The following CRNN variants were observed in gnomAD, a reference collection of about 807,000 sequenced individuals.
CRNN encodes the protein 53 kDa putative calcium-binding protein.
Under a neutral mutation model 44.7 loss-of-function variants are expected in CRNN, and 39 were observed. That is an observed-to-expected ratio of 0.87 (90% confidence interval 0.68 to 1.14). The LOEUF (loss-of-function observed/expected upper bound fraction) is 1.14. Ranked by LOEUF, CRNN falls within the 50% of genes most tolerant of loss-of-function variation. CRNN has a pLI of 0.00. For missense variants in CRNN, 606 were observed against 605.1 expected (o/e 1.00, Z -0.02); for synonymous variants, 240 against 231.8 (o/e 1.04, Z -0.32).
chr1:152,413,166 A>G (rs899843145), intron 1 of CRNN, among the ~76,000 whole-genome samples: 2 of 152,250 alleles, frequency 1.3e-5, no homozygotes, highest in Admixed American at 1.3e-4. Context: ...CAGCTTGCCC[A>G]ACAGGCACGT....
chr1:152,412,240 A>G lies in CRNN; in HGVS notation c.-7T>C, dbSNP rs780249130. The G allele has an allele frequency of 3.7e-6, 6 of 1,604,504 alleles. No individual in the cohort carries two copies. Among genetic ancestry groups the G allele is most frequent in the Non-Finnish European group, 5.1e-6 (6 of 1,172,344 alleles). On this transcript the variant is annotated 5_prime_UTR_variant, in exon 2 of 3. Coordinates refer to ENST00000271835, the MANE Select transcript of CRNN (RefSeq NM_016190.3). ...TTTGCAGTAACTGAGGCATCTTTGAAGTCAACCTGGAAAAGATGAAAAGTT... is the reference window on the plus strand; with the variant it reads ...TTTGCAGTAACTGAGGCATCTTTGAGGTCAACCTGGAAAAGATGAAAAGTT...
chr1:152,409,460 G>A lies in CRNN; in HGVS notation c.*134C>T, dbSNP rs982605068. The A allele has an allele frequency of 9.7e-6, 14 of 1,448,220 alleles. No individual in the cohort carries two copies. In the Admixed American group the frequency reaches 1.3e-4, roughly 14 times the overall value. 89.7% of individuals were successfully genotyped at this position (1,448,220 alleles called of 1,614,324 possible). The stretch of plus-strand genomic sequence containing the variant: ...AGCTCCTTGCAGAAATTATCTCATT[G>A]AGAAAGACCTAAAAGGGAAGCTGCA... On this transcript the variant is annotated 3_prime_UTR_variant, in exon 3 of 3. Coordinates refer to ENST00000271835, the MANE Select transcript of CRNN (RefSeq NM_016190.3).
At chr1:152,413,623 G>A (rs1378663654) in intron 1 of CRNN, among the ~76,000 whole-genome samples, 1 of 152,080 alleles carries the variant, frequency 6.6e-6, no homozygotes, top group African/African-American at 2.4e-5. Context: ...TTTCATCAAG[G>A]TAAAAAACTG....
Position 152,410,622 on chromosome 1 carries a change from T to C in CRNN, c.460A>G (p.Thr154Ala). The change falls in exon 3 of 3, where the codon ACC (threonine) becomes GCC (alanine). Residue 154 changes from threonine (T) to alanine (A), a missense_variant. By Grantham distance (58) the Thr-to-Ala change is moderately conservative (BLOSUM62 0). Coordinates refer to ENST00000271835, the MANE Select transcript of CRNN (RefSeq NM_016190.3). ...SRGQNRPGVQ[T>A]QGQATGSAWV... ...GCAGAGCCAGTGGCCTGACCCTGGG[T>C]CTGAACCCCAGGCCTGTTCTGCCCT... is the stretch of plus-strand genomic sequence containing the variant. The C allele has an allele frequency of 6.2e-7, 1 of 1,614,084 alleles. No homozygotes were observed. Among genetic ancestry groups the C allele is most frequent in the Non-Finnish European group, 8.5e-7 (1 of 1,179,990 alleles).
Position 152,409,496 on chromosome 1 carries a change from C to T in CRNN, c.*98G>A. 1 of 1,514,132 alleles carries T rather than the reference C, an allele frequency of 6.6e-7. No homozygotes were observed. Among genetic ancestry groups the T allele is most frequent in the Admixed American group, 2.3e-5 (1 of 44,278 alleles). 93.8% of individuals were successfully genotyped at this position (1,514,132 alleles called of 1,614,324 possible). On this transcript the variant is annotated 3_prime_UTR_variant, in exon 3 of 3. Coordinates refer to ENST00000271835, the MANE Select transcript of CRNN (RefSeq NM_016190.3). ...AAAAGGGAAGCTGCATAATGAAGAG[C>T]TGATGTCCAGGGATGCACCCACTGG...
rs1249413235 is a variant in CRNN, at chr1:152,409,803, TCA to T, written c.1277_1278del (p.Val426AspfsTer14). 3 of 1,614,088 alleles carry T rather than the reference TCA, an allele frequency of 1.9e-6. No homozygotes were observed. The African/African-American group carries it at 4.0e-5, about 22-fold the overall frequency. On this transcript the variant is annotated frameshift_variant, in exon 3 of 3. Transcript: ENST00000271835. LOFTEE classifies it high-confidence loss of function. Reference sequence around the variant, plus strand: ...GGCTGTCTGTCTCCCTGCCCTTCTGTCACACAGCGCCTTGGGTGAGTGCTGCT... The same window carrying T: ...GGCTGTCTGTCTCCCTGCCCTTCTGTCACAGCGCCTTGGGTGAGTGCTGCT... ...EWSSTHPRRC[V>X]TEGQGDRQPT...
In CRNN at chr1:152,409,518, C is replaced by A; in HGVS notation, c.*76G>T. ...GAGCTGATGTCCAGGGATGCACCCA[C>A]TGGATTGGCCATGCAGGACAAGCCA... On this transcript the variant is annotated 3_prime_UTR_variant, in exon 3 of 3. Coordinates refer to ENST00000271835, the MANE Select transcript of CRNN (RefSeq NM_016190.3). The A allele has an allele frequency of 6.5e-7, 1 of 1,533,856 alleles. No individual in the cohort carries two copies. The highest frequency in any genetic ancestry group is 2.3e-5 in the East Asian group (1 of 44,266).
intron 1 of CRNN, among the ~76,000 whole-genome samples, chr1:152,414,003 G>T (rs1273699293): frequency 1.3e-5 from 2 of 152,248 alleles, no homozygotes; most frequent in African/African-American, 4.8e-5. Context: ...CAGTTTCCCA[G>T]TGAGAGGAGC....
Position 152,409,661 on chromosome 1 carries a change from T to G in CRNN, c.1421A>C (p.Gln474Pro). 1.2e-6 allele frequency: 2 copies of G among 1,614,212 alleles called. No individual in the cohort carries two copies. Among genetic ancestry groups the G allele is most frequent in the Non-Finnish European group, 1.7e-6 (2 of 1,180,022 alleles). ...VSSAQGQDAA[Q>P]SEEKRGITAR... is the part of the protein sequence containing the mutation. ...TGTGATGCCTCGCTTCTCTTCTGAC[T>G]GGGCTGCATCCTGGCCCTGTGCTGA... Residue 474 changes from glutamine to proline, a missense_variant, in exon 3 of 3, where the codon CAG (glutamine) becomes CCG (proline). Transcript: ENST00000271835.
intron 1 of CRNN, 25 bp downstream of exon 1, chr1:152,414,189 A>G (rs1263610060): frequency 1.3e-5 from 2 of 152,652 alleles, no homozygotes; most frequent in Middle Eastern, 3.4e-3. Context: ...AGAATGAGAA[A>G]GAGGTTTCTT....
Position 152,414,210 on chromosome 1 carries a change from T to C in CRNN, c.-14+4A>G, listed in dbSNP as rs559764246. The C allele has an allele frequency of 2.6e-5, 4 of 152,752 alleles. No individual in the cohort carries two copies. Among genetic ancestry groups the C allele is most frequent in the Admixed American group, 2.6e-4 (4 of 15,300 alleles). 9.5% of individuals were successfully genotyped at this position (152,752 alleles called of 1,614,324 possible). A position where few individuals can be genotyped will look rare whatever the true frequency, so the allele number is the denominator to read the frequency against. On this transcript the variant is annotated splice_donor_region_variant and intron_variant, in intron 1 of 2. Transcript: ENST00000271835. Reference sequence around the variant, plus strand: ...AGAAAGAGGTTTCTTATGAGGGGACTTACCTAATGCCCAGGTGGGATGAAA... The same window carrying C: ...AGAAAGAGGTTTCTTATGAGGGGACCTACCTAATGCCCAGGTGGGATGAAA...
rs1437140905 is a variant in CRNN, at chr1:152,410,905, A to C, written c.177T>G (p.Arg59=). The part of the protein sequence containing the change: ...HDPATVDEVL[R]LLDEDHTGTV... ...TCCCTGTGTGGTCTTCATCCAGCAG[A>C]CGCAGGACCTCATCCACAGTTGCTG... Residue 59 remains arginine, a synonymous_variant, in exon 3 of 3, where the codon CGT becomes CGG. Coordinates refer to ENST00000271835, the MANE Select transcript of CRNN (RefSeq NM_016190.3). 3.7e-6 allele frequency: 6 copies of C among 1,613,268 alleles called. No individual in the cohort carries two copies. In the Admixed American group the frequency reaches 5.0e-5, roughly 13 times the overall value.
At chr1:152,412,270 TG>T (rs1655791624) in intron 1 of CRNN, 24 bp from the exon 2 acceptor site, 1 of 1,590,058 alleles carries the variant, frequency 6.3e-7, no homozygotes, top group African/African-American at 1.3e-5. Flanking sequence ...AAAGTTCCCT[TG>T]GAGGCTCCAT....
chr1:152,410,108 T>C lies in CRNN; in HGVS notation c.974A>G (p.Asn325Ser). The C allele has an allele frequency of 6.2e-7, 1 of 1,613,822 alleles. No homozygotes were observed. Residue 325 changes from asparagine to serine, a missense_variant, in exon 3 of 3, where the codon AAC becomes AGC. Asn to Ser is a conservative substitution (Grantham distance 46). Coordinates refer to ENST00000271835, the MANE Select transcript of CRNN (RefSeq NM_016190.3). ...TQTQESTNGQ[N>S]RGTEIHGQGR... ...TTGACCGTGGATCTCAGTCCCTCTG[T>C]TCTGGCCATTGGTGGACTCCTGTGT...
At position 152,410,425 on chromosome 1, in the gene CRNN, T is replaced by C; in HGVS notation, c.657A>G (p.Arg219=). 1 of 1,614,158 alleles carries C rather than the reference T, an allele frequency of 6.2e-7. No individual in the cohort carries two copies. Among genetic ancestry groups the C allele is most frequent in the Non-Finnish European group, 8.5e-7 (1 of 1,180,026 alleles). The change falls in exon 3 of 3, where the codon AGA becomes AGG. Residue 219 remains arginine, a synonymous_variant. Coordinates refer to ENST00000271835, the MANE Select transcript of CRNN (RefSeq NM_016190.3). ...TCACAGTCTCACCTGTCTGGTGGGC[T>C]CTGTCCTGTTCCCTGGTCTGTGGCT... ...ERQPQTREQD[R]AHQTGETVTG...
Position 152,409,382 on chromosome 1 carries a change from C to T in CRNN, c.*212G>A. On this transcript the variant is annotated 3_prime_UTR_variant, in exon 3 of 3. Transcript: ENST00000271835. ...GTGACTTGCTCTGAGTCTTCCTGCT[C>T]CTGAGAGGGTCTGCACCGCAAAGCA... The T allele has an allele frequency of 1.2e-6, 1 of 824,438 alleles. No homozygotes were observed. Among genetic ancestry groups the T allele is most frequent in the East Asian group, 2.8e-5 (1 of 36,042 alleles). The allele number at this position is 824,438 out of a possible 1,614,324, so 51.1% of individuals were successfully genotyped here.
rs1655680588 is a variant in CRNN, at chr1:152,409,511, G to A, written c.*83C>T. Reference sequence around the variant, plus strand: ...TAATGAAGAGCTGATGTCCAGGGATGCACCCACTGGATTGGCCATGCAGGA... The same window carrying A: ...TAATGAAGAGCTGATGTCCAGGGATACACCCACTGGATTGGCCATGCAGGA... On this transcript the variant is annotated 3_prime_UTR_variant, in exon 3 of 3. Transcript: ENST00000271835. 5.9e-6 allele frequency: 9 copies of A among 1,529,446 alleles called. No homozygotes were observed. Among genetic ancestry groups the A allele is most frequent in the African/African-American group, 1.4e-5 (1 of 72,368 alleles). 94.7% of individuals were successfully genotyped at this position (1,529,446 alleles called of 1,614,324 possible).
Position 152,409,708 on chromosome 1 carries a change from G to T in CRNN, c.1374C>A (p.Gly458=). 6.2e-7 allele frequency: 1 copy of T among 1,614,164 alleles called. No individual in the cohort carries two copies. Among genetic ancestry groups the T allele is most frequent in the Non-Finnish European group, 8.5e-7 (1 of 1,180,028 alleles). Residue 458 remains glycine, a synonymous_variant, in exon 3 of 3, where the codon GGC becomes GGA. Coordinates refer to ENST00000271835, the MANE Select transcript of CRNN (RefSeq NM_016190.3). ...CTGAGGAAACACTGGTATGCAAGTT[G>T]CCCTGGTCCAGCCTGAGGATCACTG... The part of the protein sequence containing the change: ...RETVILRLDQ[G]NLHTSVSSAQ...
chr1:152,410,258 C>T lies in CRNN; in HGVS notation c.824G>A (p.Arg275Lys). 6.2e-7 allele frequency: 1 copy of T among 1,613,972 alleles called. No individual in the cohort carries two copies. The highest frequency in any genetic ancestry group is 1.1e-5 in the South Asian group (1 of 91,064). ...NRGTETHGQG[R>K]SQTSQAVTGG... ...TGTCACAGCCTGGCTGGTCTGGCTCCTGCCTTGACCGTGGGTCTCAGTCCC... is the reference window on the plus strand; with the variant it reads ...TGTCACAGCCTGGCTGGTCTGGCTCTTGCCTTGACCGTGGGTCTCAGTCCC... The change falls in exon 3 of 3, where the codon AGG becomes AAG. Residue 275 changes from arginine to lysine, a missense_variant. Physicochemically the swap from Arg to Lys is conservative, Grantham distance 26. Transcript: ENST00000271835.
Sources: gnomAD v4.1 joint callset for allele counts (sites outside exome capture counted in the v4.1 genomes callset) on GRCh38, gnomAD v4.1.1 for gene constraint, MANE v1.5 for transcripts, NCBI Gene and HGNC (gene_info 2026-07-23, HGNC 2026-07-21) for gene names.